ANKRD17: variants seen among roughly 807,000 people sequenced by gnomAD.
The protein encoded by ANKRD17 is ankyrin repeat domain 17, also known as ankyrin repeat domain-containing protein 17.
In ANKRD17, 19 loss-of-function variants were observed where a neutral mutation model predicts 229.7. That is an observed-to-expected ratio of 0.08 (90% confidence interval 0.06 to 0.12). The LOEUF is 0.12. ANKRD17 is among the 10% of genes least tolerant of loss of function. The probability of loss-of-function intolerance (pLI) is 1.00; values close to 1 mark genes in which losing one functional copy is unlikely to be tolerated. For synonymous variants in ANKRD17, 1,112 were observed against 1,146.1 expected, an observed-to-expected ratio of 0.97 and a Z score of 0.60; for missense variants, 2,176 against 3,176.8, an observed-to-expected ratio of 0.68 and a Z score of 7.57.
At chr4:73,219,768 G>C (rs1053594413) in intron 1 of ANKRD17, among the ~76,000 whole-genome samples, 2 of 151,976 alleles carry the variant, frequency 1.3e-5, no homozygotes, top group African/African-American at 4.8e-5. Context: ...GAATAAGAAC[G>C]GGTATGAGAG....
intron 1 of ANKRD17, among the ~76,000 whole-genome samples, chr4:73,224,177 C>T (rs1335219570): frequency 4.6e-5 from 7 of 152,080 alleles, no homozygotes; most frequent in African/African-American, 1.7e-4. Context: ...CACGTGAACC[C>T]GGGAGGTGGA....
chr4:73,115,418 G>GGCATGT (rs1451224464), intron 23 of ANKRD17, among the ~76,000 whole-genome samples: 1 of 152,146 alleles, frequency 6.6e-6, no homozygotes, highest in Non-Finnish European at 1.5e-5. Flanking sequence ...AGCCTTCCAA[G>GGCATGT]TAGCTGGGAT....
intron 1 of ANKRD17, among the ~76,000 whole-genome samples, chr4:73,215,266 T>A (rs1252670028): frequency 1.1e-5 from 1 of 87,990 alleles, no homozygotes; most frequent in Non-Finnish European, 2.1e-5. Flanking sequence ...GAAAATGTGA[T>A]TTTTTTTTTT....
At chr4:73,103,092 G>GT (rs1172789798) in intron 24 of ANKRD17, among the ~76,000 whole-genome samples, 2 of 151,774 alleles carry the variant, frequency 1.3e-5, no homozygotes, top group Non-Finnish European at 2.9e-5. Flanking sequence ...TGGAAACAAG[G>GT]TAAGTCTGTC....
intron 1 of ANKRD17, among the ~76,000 whole-genome samples, chr4:73,224,003 G>C (rs1390293027): frequency 6.6e-6 from 1 of 152,190 alleles, no homozygotes; most frequent in Non-Finnish European, 1.5e-5. Context: ...TGTAATCCCA[G>C]CACTTGGGGA....
chr4:73,206,911 C>T (rs1739540869), intron 1 of ANKRD17, among the ~76,000 whole-genome samples: 1 of 152,100 alleles, frequency 6.6e-6, no homozygotes, highest in Non-Finnish European at 1.5e-5. Context: ...CAACCTCCAC[C>T]CCACGGGGTT....
Position 73,144,787 on chromosome 4 carries a change from T to C in ANKRD17, c.1915A>G (p.Arg639Gly). 6.2e-7 allele frequency: 1 copy of C among 1,606,506 alleles called. No individual in the cohort carries two copies. The highest frequency in any genetic ancestry group is 8.5e-7 in the Non-Finnish European group (1 of 1,177,300). ...TGAACAGTACAAACATGACCAGCTC[T>C]TGCAGCTTTCATTAAAGGAGTTCTT... ...GGRTPLMKAA[R>G]AGHVCTVQFL... Residue 639 changes from arginine to glycine, a missense_variant, in exon 11 of 34, where the codon AGA becomes GGA. By Grantham distance (125) the Arg-to-Gly change is moderately radical. This residue lies in a region of ANKRD17 where 275 missense variants were observed against 386.9 expected (regional missense o/e 0.71). Coordinates refer to ENST00000358602, the MANE Select transcript of ANKRD17 (RefSeq NM_032217.5).
rs750638593 is a variant in ANKRD17 at position 73,258,347 on chromosome 4, C to A, written c.322G>T (p.Gly108Cys). The change falls in exon 1 of 34, where the codon GGC becomes TGC. Residue 108 changes from glycine to cysteine, a missense_variant. Transcript: ENST00000358602. Reference protein sequence around the residue: ...GGGGGGGGGGGGGTSSNNSEE... With the variant: ...GGGGGGGGGGCGGTSSNNSEE... ...CTGTTGTTACTGCTGGTGCCGCCGC[C>A]GCCACCTCCGCCTCCACCGCCGCCT... The A allele has an allele frequency of 6.2e-7, 1 of 1,612,612 alleles. No individual in the cohort carries two copies. Among genetic ancestry groups the A allele is most frequent in the Non-Finnish European group, 8.5e-7 (1 of 1,179,622 alleles).
intron 1 of ANKRD17, among the ~76,000 whole-genome samples, chr4:73,254,901 T>C (rs184187127): frequency 1.3e-5 from 2 of 152,330 alleles, no homozygotes; most frequent in East Asian, 3.9e-4. Flanking sequence ...CTTGTAATAG[T>C]CAAAAGCAAT....
intron 1 of ANKRD17, among the ~76,000 whole-genome samples, chr4:73,203,898 C>A (rs1739054727): frequency 6.6e-6 from 1 of 151,668 alleles, no homozygotes; most frequent in East Asian, 1.9e-4. Flanking sequence ...AGGCACATCA[C>A]AATGAAACTA....
At chr4:73,083,183 A>T (rs1721749600) in intron 30 of ANKRD17, among the ~76,000 whole-genome samples, 1 of 152,254 alleles carries the variant, frequency 6.6e-6, no homozygotes, top group Admixed American at 6.5e-5. Flanking sequence ...TGAGAGACAT[A>T]ATCAAATGCA....
At chr4:73,147,910 A>G (rs1366313981) in intron 8 of ANKRD17, among the ~76,000 whole-genome samples, 1 of 152,120 alleles carries the variant, frequency 6.6e-6, no homozygotes, top group Non-Finnish European at 1.5e-5. Context: ...AACTTATACA[A>G]GGTCACAACA....
At chr4:73,201,188 CAA>C (rs1738631404) in intron 1 of ANKRD17, among the ~76,000 whole-genome samples, 2 of 151,364 alleles carry the variant, frequency 1.3e-5, no homozygotes, top group South Asian at 4.2e-4. Context: ...TATCCCAAAC[CAA>C]AAAATGTAAA....
At position 73,184,494 on chromosome 4, in the gene ANKRD17, A is replaced by G. The variant is rs1020905736; in HGVS notation, c.394-6961T>C. ...CTGTGAGCCAAGATAGCGCCATTGC[A>G]CCCAGCCTGAGGGACAAGAGCTAGA... On this transcript the variant is annotated intron_variant, in intron 1 of 33. Transcript: ENST00000358602. 2.3e-4 allele frequency among the ~76,000 whole-genome samples: 33 copies of G among 142,218 alleles called. 1 individual carries two copies. Among genetic ancestry groups the G allele is most frequent in the Admixed American group, 1.5e-3 (20 of 12,986 alleles). The allele number at this position is 142,218 out of a possible 152,430, so 93.3% of individuals were successfully genotyped here.
intron 24 of ANKRD17, among the ~76,000 whole-genome samples, chr4:73,109,291 C>T (rs949838963): frequency 7.2e-5 from 10 of 139,086 alleles, no homozygotes; most frequent in African/African-American, 1.6e-4. Flanking sequence ...CAGAGTGAGG[C>T]GCTGTCTCAA....
chr4:73,077,284 T>C (rs976508320), intron 32 of ANKRD17, 71 bp downstream of exon 32: 42 of 1,439,962 alleles, frequency 2.9e-5, no homozygotes, highest in Middle Eastern at 2.1e-4. Context: ...ATTATACATA[T>C]GCCTACTATA....
intron 1 of ANKRD17, among the ~76,000 whole-genome samples, chr4:73,220,672 T>G (rs1300966906): frequency 6.6e-6 from 1 of 152,088 alleles, no homozygotes; most frequent in Non-Finnish European, 1.5e-5. Flanking sequence ...AGTTTATGAT[T>G]CAAAAGATCA....
At chr4:73,124,817 G>A (rs970757106) in intron 18 of ANKRD17, 96 bp downstream of exon 18, 29 of 1,412,058 alleles carry the variant, frequency 2.1e-5, no homozygotes, top group African/African-American at 1.3e-4. Flanking sequence ...AAATCTAAAC[G>A]TCAAAGCATT....
intron 2 of ANKRD17, among the ~76,000 whole-genome samples, chr4:73,172,469 T>C (rs1734169777): frequency 6.6e-6 from 1 of 152,178 alleles, no homozygotes; most frequent in African/African-American, 2.4e-5. Context: ...AAAGAAATCA[T>C]CTGAAGGTAC....
Sources: allele counts gnomAD v4.1 joint callset (sites outside exome capture counted in the v4.1 genomes callset), GRCh38; gene constraint gnomAD v4.1.1; regional missense constraint gnomAD v4.1.1; transcripts MANE v1.5; gene names NCBI Gene and HGNC (gene_info 2026-07-23, HGNC 2026-07-21).